The following CSN1S1 variants were observed in gnomAD, a reference collection of about 807,000 sequenced individuals.
The protein encoded by CSN1S1 is alpha-S1-casein.
In CSN1S1, 63 loss-of-function variants were observed where a neutral mutation model predicts 49.1. The ratio of observed to expected loss-of-function variants is 1.28; its 90% CI spans 1.05 to 1.58. The LOEUF is 1.58. CSN1S1 is among the 40% of genes most tolerant of loss of function. The probability of loss-of-function intolerance (pLI) is 0.00; values close to 1 mark genes in which losing one functional copy is unlikely to be tolerated. For synonymous variants in CSN1S1, 78 were observed against 67.1 expected (o/e 1.16, Z -0.79); for missense variants, 260 against 224.7 (o/e 1.16, Z -1.01).
chr4:69,943,473 T>C (rs1723050023), intron 14 of CSN1S1, among the ~76,000 whole-genome samples: 1 of 151,932 alleles, frequency 6.6e-6, no homozygotes, highest in Non-Finnish European at 1.5e-5. Flanking sequence ...GCATGACCTA[T>C]TACTTCAATG....
chr4:69,934,717 T>C lies in CSN1S1; in HGVS notation c.105+7T>C, dbSNP rs748149359. ...TCCATCAGAGAGCAGTGAGGTAAGC[T>C]CTGTTTATGGGGAGTCAGGATTCTC... On this transcript the variant is annotated splice_region_variant and intron_variant, in intron 4 of 15. Coordinates refer to ENST00000246891, the MANE Select transcript of CSN1S1 (RefSeq NM_001890.2). The C allele has an allele frequency of 4.4e-6, 7 of 1,608,782 alleles. No homozygotes were observed. The South Asian group carries it at 5.5e-5, about 13-fold the overall frequency.
At chr4:69,945,106 AAAT>A (rs1376669128) in intron 15 of CSN1S1, 102 bp downstream of exon 15, 5 of 1,224,510 alleles carry the variant, frequency 4.1e-6, no homozygotes, top group Non-Finnish European at 5.8e-6. Flanking sequence ...TAAACATGGC[AAAT>A]CAATGCCTAC....
At chr4:69,943,815 C>T (rs576325767) in intron 14 of CSN1S1, among the ~76,000 whole-genome samples, 1 of 152,108 alleles carries the variant, frequency 6.6e-6, no homozygotes, top group East Asian at 1.9e-4. Flanking sequence ...AAAACAAACT[C>T]ACCCTTGCAA....
At chr4:69,937,688 A>G in intron 8 of CSN1S1, 112 bp from the exon 9 acceptor site, 1 of 816,308 alleles carries the variant, frequency 1.2e-6, no homozygotes, top group Non-Finnish European at 1.9e-6. Context: ...TATTACTTTT[A>G]TATTGTCTCA....
At position 69,942,060 on chromosome 4, in the gene CSN1S1, C is replaced by A; in HGVS notation, c.357C>A (p.Ala119=). Residue 119 remains alanine, a synonymous_variant, in exon 13 of 16, where the codon GCC becomes GCA. Transcript: ENST00000246891. ...CTCCTCCCTAGCAAGCTGCCCATGC[C>A]CAGGTGAGATTATTTATTAAATCTA... The part of the protein sequence containing the change: ...YNQLQLQAAH[A]QEQIRRMNEN... 2 of 1,457,502 alleles carry A rather than the reference C, an allele frequency of 1.4e-6. No homozygotes were observed. Among genetic ancestry groups the A allele is most frequent in the Non-Finnish European group, 9.3e-7 (1 of 1,079,950 alleles). The allele number at this position is 1,457,502 out of a possible 1,614,324, so 90.3% of individuals were successfully genotyped here.
rs1578138808 is a variant in CSN1S1 at position 69,944,901 on chromosome 4, T to C, written c.454T>C (p.Tyr152His). 2 of 1,613,030 alleles carry C rather than the reference T, an allele frequency of 1.2e-6. No individual in the cohort carries two copies. The highest frequency in any genetic ancestry group is 1.7e-6 in the Non-Finnish European group (2 of 1,179,282). The change falls in exon 15 of 16, where the codon TAT becomes CAT. Residue 152 changes from tyrosine to histidine, a missense_variant. Physicochemically the swap from Tyr to His is moderately conservative, Grantham distance 83. Transcript: ENST00000246891. ...TGCCTACCCCTATGCTGTTTGGTAC[T>C]ATCCACAAATCATGCAGTATGTTCC... Reference protein sequence around the residue: ...LAAYPYAVWYYPQIMQYVPFP... With the variant: ...LAAYPYAVWYHPQIMQYVPFP...
chr4:69,945,819 TC>T (rs1293952395), intron 15 of CSN1S1, among the ~76,000 whole-genome samples: 1 of 148,878 alleles, frequency 6.7e-6, no homozygotes, highest in Non-Finnish European at 1.5e-5. Flanking sequence ...TCAATTATTT[TC>T]ACCACTACAT....
rs567240015 is a variant in CSN1S1 at position 69,942,052 on chromosome 4, G to T, written c.349G>T (p.Ala117Ser). ...NEYNQLQLQA[A>S]HAQEQIRRMN... ...AATGTTTTCTCCTCCCTAGCAAGCT[G>T]CCCATGCCCAGGTGAGATTATTTAT... The change falls in exon 13 of 16, where the codon GCC becomes TCC. Residue 117 changes from alanine to serine, a missense_variant. Coordinates refer to ENST00000246891, the MANE Select transcript of CSN1S1 (RefSeq NM_001890.2). 6.8e-7 allele frequency: 1 copy of T among 1,473,316 alleles called. No homozygotes were observed. Among genetic ancestry groups the T allele is most frequent in the African/African-American group, 1.4e-5 (1 of 71,758 alleles). The allele number at this position is 1,473,316 out of a possible 1,614,324, so 91.3% of individuals were successfully genotyped here.
Position 69,941,061 on chromosome 4 carries a change from G to T in CSN1S1, c.342+1G>T, listed in dbSNP as rs769800145. 10 of 1,474,436 alleles carry T rather than the reference G, an allele frequency of 6.8e-6. No homozygotes were observed. In the East Asian group the frequency reaches 2.5e-4, roughly 36 times the overall value. The allele number at this position is 1,474,436 out of a possible 1,614,324, so 91.3% of individuals were successfully genotyped here. On this transcript the variant is annotated splice_donor_variant, in intron 12 of 15. Coordinates refer to ENST00000246891, the MANE Select transcript of CSN1S1 (RefSeq NM_001890.2). LOFTEE classifies it high-confidence loss of function. ...GAACGAATACAACCAACTTCAGCTGGTAATATTTTATTCATTATAATACAA... is the reference window on the plus strand; with the variant it reads ...GAACGAATACAACCAACTTCAGCTGTTAATATTTTATTCATTATAATACAA...
At chr4:69,940,536 C>G (rs1412694749) in intron 11 of CSN1S1, among the ~76,000 whole-genome samples, 2 of 151,642 alleles carry the variant, frequency 1.3e-5, no homozygotes, top group East Asian at 3.9e-4. Flanking sequence ...CAGTATAAGT[C>G]TATAACTTAA....
At chr4:69,940,386 T>C (rs561066878) in intron 11 of CSN1S1, among the ~76,000 whole-genome samples, 4 of 151,786 alleles carry the variant, frequency 2.6e-5, no homozygotes, top group Non-Finnish European at 5.9e-5. Flanking sequence ...ACAGTTTTAG[T>C]TGAATATTTG....
chr4:69,940,471 T>C (rs555068981), intron 11 of CSN1S1, among the ~76,000 whole-genome samples: 1 of 151,848 alleles, frequency 6.6e-6, no homozygotes, highest in South Asian at 2.1e-4. Flanking sequence ...TACACTTGAG[T>C]TCAACTCATA....
At chr4:69,940,969 T>A (rs550825724) in intron 11 of CSN1S1, 50 bp from the exon 12 acceptor site, 1 of 937,666 alleles carries the variant, frequency 1.1e-6, no homozygotes, top group East Asian at 2.7e-5. Context: ...AATGATGGGG[T>A]TGGACTGAAT....
chr4:69,932,550 A>G lies in CSN1S1; in HGVS notation c.-6A>G. On this transcript the variant is annotated 5_prime_UTR_variant, in exon 2 of 16. Coordinates refer to ENST00000246891, the MANE Select transcript of CSN1S1 (RefSeq NM_001890.2). ...TTTTTGTTCTCTTACATAGGCTCTG[A>G]TAACCATGAGGCTTCTCATTCTCAC... 2 of 1,601,352 alleles carry G rather than the reference A, an allele frequency of 1.2e-6. No individual in the cohort carries two copies. Among genetic ancestry groups the G allele is most frequent in the Middle Eastern group, 1.7e-4 (1 of 6,044 alleles).
chr4:69,931,145 C>T (rs188902919), intron 1 of CSN1S1, 28 bp downstream of exon 1: 1 of 152,112 alleles, frequency 6.6e-6, no homozygotes, highest in East Asian at 1.9e-4. Flanking sequence ...AGCAAAATTG[C>T]TATCATTTTA....
At chr4:69,938,984 C>A (rs533027042) in intron 9 of CSN1S1, among the ~76,000 whole-genome samples, 192 bp from the exon 10 acceptor site, 1 of 151,764 alleles carries the variant, frequency 6.6e-6, no homozygotes, top group Non-Finnish European at 1.5e-5. Flanking sequence ...AGTTATTAAA[C>A]CTACCACCAT....
At chr4:69,944,436 C>T (rs900825839) in intron 14 of CSN1S1, among the ~76,000 whole-genome samples, 3 of 151,942 alleles carry the variant, frequency 2.0e-5, no homozygotes, top group Middle Eastern at 3.4e-3. Flanking sequence ...ACCCTGGGTG[C>T]GGGGCCTGTA....
chr4:69,942,947 TA>T (rs5859205), intron 14 of CSN1S1, among the ~76,000 whole-genome samples: 42,959 of 143,306 alleles, frequency 0.3, 6,342 homozygotes, highest in South Asian at 0.37. Context: ...ACATGCTAAT[TA>T]AAAAAAAAAA....
chr4:69,940,171 T>C, intron 11 of CSN1S1, 127 bp downstream of exon 11: 1 of 428,452 alleles, frequency 2.3e-6, no homozygotes, highest in East Asian at 3.9e-5. Flanking sequence ...GCTATACCAA[T>C]GCCATCTGGA....
Sources: allele counts gnomAD v4.1 joint callset (sites outside exome capture counted in the v4.1 genomes callset), GRCh38; gene constraint gnomAD v4.1.1; transcripts MANE v1.5; gene names NCBI Gene and HGNC (gene_info 2026-07-23, HGNC 2026-07-21).